Variants in INVS observed in about 807,000 individuals in gnomAD.
The protein encoded by INVS is inversion of embryo turning homolog.
In INVS, 86 loss-of-function variants were observed where a neutral mutation model predicts 108.8. The ratio of observed to expected loss-of-function variants is 0.79; its 90% CI spans 0.66 to 0.95. INVS has a LOEUF of 0.95. Among genes scored for constraint, INVS ranks in the 40% least tolerant of loss-of-function variants. The pLI, the probability that INVS is intolerant of heterozygous loss-of-function variation, is 0.00. For synonymous variants in INVS, 455 were observed against 473.5 expected, an observed-to-expected ratio of 0.96 and a Z score of 0.51; for missense variants, 1,169 against 1,297.4, an observed-to-expected ratio of 0.90 and a Z score of 1.52.
In INVS at chr9:100,261,433, T is replaced by A. The variant is rs1257990807; in HGVS notation, c.1465-3389T>A. On this transcript the variant is annotated intron_variant, in intron 10 of 16. Transcript: ENST00000262457. ...GGTACCTGCCACCATGCCTAGCTAA[T>A]TTTTTTTTGTATTTTTAGTAGAGAC... Among the ~76,000 whole-genome samples, 5 of 151,234 alleles carry A rather than the reference T, an allele frequency of 3.3e-5. No individual in the cohort carries two copies. In the South Asian group the frequency reaches 8.4e-4, roughly 25 times the overall value.
intron 15 of INVS, 44 bp from the exon 16 acceptor site, chr9:100,297,891 CG>C: frequency 6.2e-7 from 1 of 1,602,320 alleles, no homozygotes; most frequent in South Asian, 1.1e-5. Context: ...TCAGGCCAAA[CG>C]TATCCCTGGC....
chr9:100,116,078 G>T (rs1186839609), intron 2 of INVS, among the ~76,000 whole-genome samples: 1 of 150,574 alleles, frequency 6.6e-6, no homozygotes, highest in African/African-American at 2.4e-5. Flanking sequence ...GTGTCTGTTG[G>T]CTTTTAATTT....
intron 3 of INVS, chr9:100,131,785 C>T (rs1446111258): frequency 1.1e-5 from 4 of 348,416 alleles, no homozygotes; most frequent in African/African-American, 2.2e-5. Context: ...AATTAAAGAA[C>T]CTTCTGGTTG....
At chr9:100,242,457 G>A (rs1045769669) in intron 6 of INVS, 113 bp from the exon 7 acceptor site, 16 of 684,982 alleles carry the variant, frequency 2.3e-5, no homozygotes, top group African/African-American at 7.2e-5. Flanking sequence ...TTCAGAAACC[G>A]TTGTGAATGC....
chr9:100,273,527 CTTTTTTTTTTTT>C (rs58458085), intron 12 of INVS, among the ~76,000 whole-genome samples: 4 of 96,278 alleles, frequency 4.2e-5, no homozygotes, highest in South Asian at 4.3e-4. Context: ...CCACTCAGTT[CTTTTTTTTTTTT>C]TTTTTTTTTT....
intron 3 of INVS, among the ~76,000 whole-genome samples, chr9:100,150,206 T>C (rs1828765313): frequency 6.6e-6 from 1 of 152,210 alleles, no homozygotes; most frequent in South Asian, 2.1e-4. Flanking sequence ...GCCTTGAAGA[T>C]TTTGTTTTAA....
At chr9:100,228,275 G>A (rs978591573) in intron 4 of INVS, among the ~76,000 whole-genome samples, 2 of 152,196 alleles carry the variant, frequency 1.3e-5, no homozygotes, top group African/African-American at 4.8e-5. Context: ...ACAGGCATGA[G>A]CCACTGCGCC....
chr9:100,127,833 A>G (rs1394813651), intron 3 of INVS, among the ~76,000 whole-genome samples: 2 of 152,332 alleles, frequency 1.3e-5, no homozygotes, highest in South Asian at 2.1e-4. Context: ...AGTTTTAACT[A>G]CTTCTCGGGT....
At chr9:100,279,374 C>T (rs1008273223) in intron 12 of INVS, among the ~76,000 whole-genome samples, 1 of 152,160 alleles carries the variant, frequency 6.6e-6, no homozygotes, top group Admixed American at 6.5e-5. Flanking sequence ...ATCCTTCTAC[C>T]AGCCAAGCCC....
intron 3 of INVS, among the ~76,000 whole-genome samples, chr9:100,133,947 T>C (rs1828137489): frequency 6.6e-6 from 1 of 152,184 alleles, no homozygotes; most frequent in Non-Finnish European, 1.5e-5. Context: ...TTTTAACTTC[T>C]ATTTTTCCAT....
intron 3 of INVS, among the ~76,000 whole-genome samples, chr9:100,223,254 C>T (rs757426107): frequency 8.6e-5 from 13 of 151,754 alleles, no homozygotes; most frequent in Non-Finnish European, 1.5e-4. Flanking sequence ...CCACCATGCC[C>T]GGCTGATTTT....
At chr9:100,100,803 G>GTATATATAA (rs1214424528) in intron 1 of INVS, among the ~76,000 whole-genome samples, 1 of 3,264 alleles carries the variant, frequency 3.1e-4, no homozygotes, top group Non-Finnish European at 4.8e-4. Context: ...TATAATATAT[G>GTATATATAA]TATATATAAT....
At chr9:100,207,535 C>G (rs1033483136) in intron 3 of INVS, among the ~76,000 whole-genome samples, 1 of 152,122 alleles carries the variant, frequency 6.6e-6, no homozygotes, top group Non-Finnish European at 1.5e-5. Context: ...TCAGGTGATT[C>G]ACCTGCCTCA....
intron 3 of INVS, among the ~76,000 whole-genome samples, chr9:100,145,223 C>T (rs550227314): frequency 2.2e-4 from 33 of 150,744 alleles, no homozygotes; most frequent in African/African-American, 6.4e-4. Context: ...AGTAGAGACA[C>T]GGAGGGAAGG....
At chr9:100,188,276 C>A (rs568223039) in intron 3 of INVS, among the ~76,000 whole-genome samples, 1 of 152,268 alleles carries the variant, frequency 6.6e-6, no homozygotes, top group South Asian at 2.1e-4. Context: ...GGAATGCTTT[C>A]TAATTTTCCC....
chr9:100,170,881 A>T (rs1310481915), intron 3 of INVS, among the ~76,000 whole-genome samples: 1 of 152,206 alleles, frequency 6.6e-6, no homozygotes, highest in Non-Finnish European at 1.5e-5. Context: ...GACAACAGAC[A>T]AGCTAAATGG....
chr9:100,129,526 T>A (rs948653091), intron 3 of INVS: 122 of 462,338 alleles, frequency 2.6e-4, no homozygotes, highest in East Asian at 3.3e-4. Flanking sequence ...AAAAATTTTT[T>A]AAAAAAACAA....
Position 100,126,092 on chromosome 9 carries a change from A to G in INVS, c.107-291A>G, listed in dbSNP as rs117247022. 4.1e-3 allele frequency among the ~76,000 whole-genome samples: 628 copies of G among 152,326 alleles called. 1 individual carries two copies. Among genetic ancestry groups the G allele is most frequent in the Non-Finnish European group, 6.8e-3 (462 of 68,032 alleles). On this transcript the variant is annotated intron_variant, in intron 2 of 16. Transcript: ENST00000262457. ...AGACAAGAGTGAGTGAGGGAGGAAC[A>G]TAAGTAGCTCTGTATCTCAAAATGT...
chr9:100,284,579 G>A lies in INVS; in HGVS notation c.2044G>A (p.Gly682Arg). 1 of 1,613,664 alleles carries A rather than the reference G, an allele frequency of 6.2e-7. No homozygotes were observed. Among genetic ancestry groups the A allele is most frequent in the Non-Finnish European group, 8.5e-7 (1 of 1,179,748 alleles). ...GCAGCATGTTTCCTCAGATTTGCAG[G>A]GAACAAACTCCAGAAGGCCAAATGG... is the stretch of plus-strand genomic sequence containing the variant. ...KEQHVSSDLQ[G>R]TNSRRPNETA... Residue 682 changes from glycine (G) to arginine (R), a missense_variant, in exon 13 of 17, where the codon GGA becomes AGA. Transcript: ENST00000262457.
Sources: allele counts gnomAD v4.1 joint callset (sites outside exome capture counted in the v4.1 genomes callset), GRCh38; gene constraint gnomAD v4.1.1; transcripts MANE v1.5; gene names NCBI Gene and HGNC (gene_info 2026-07-23, HGNC 2026-07-21).